The following PREX1 variants were observed in gnomAD, a reference collection of about 807,000 sequenced individuals.
PREX1 encodes the protein phosphatidylinositol-3,4,5-trisphosphate dependent Rac exchange factor 1, also known as phosphatidylinositol 3,4,5-trisphosphate-dependent Rac exchanger 1 protein.
In PREX1, 41 loss-of-function variants were observed where a neutral mutation model predicts 198.3. The observed-to-expected ratio is 0.21, with a 90% CI of 0.16 to 0.27. The LOEUF is 0.27. Ranked by LOEUF, PREX1 falls within the 10% of genes least tolerant of loss-of-function variation. PREX1 has a pLI of 1.00. For missense variants in PREX1, 1,620 were observed against 2,200.7 expected, an observed-to-expected ratio of 0.74 and a Z score of 5.28; for synonymous variants, 843 against 887.2, an observed-to-expected ratio of 0.95 and a Z score of 0.89.
At chr20:48,657,909 T>A (rs1016530173) in intron 17 of PREX1, among the ~76,000 whole-genome samples, 1 of 152,160 alleles carries the variant, frequency 6.6e-6, no homozygotes, top group African/African-American at 2.4e-5. Flanking sequence ...AGGGCAGTGG[T>A]GGAACACACC....
intron 3 of PREX1, among the ~76,000 whole-genome samples, chr20:48,741,619 T>C (rs1460380604): frequency 1.3e-5 from 2 of 151,986 alleles, no homozygotes; most frequent in East Asian, 1.9e-4. Context: ...AGACAGACAA[T>C]AAGCAAAAAG....
At chr20:48,676,687 G>A (rs930492940) in intron 13 of PREX1, among the ~76,000 whole-genome samples, 1 of 152,202 alleles carries the variant, frequency 6.6e-6, no homozygotes, top group Non-Finnish European at 1.5e-5. Context: ...ACAATGCCAG[G>A]CAGCCCCCAA....
intron 1 of PREX1, among the ~76,000 whole-genome samples, chr20:48,777,777 G>A (rs754157498): frequency 1.3e-5 from 2 of 152,232 alleles, no homozygotes; most frequent in African/African-American, 2.4e-5. Flanking sequence ...GACCTGCGGA[G>A]AGGCTGTGGA....
intron 39 of PREX1, among the ~76,000 whole-genome samples, chr20:48,626,330 C>T (rs1014833604): frequency 1.9e-4 from 29 of 152,218 alleles, no homozygotes; most frequent in African/African-American, 5.8e-4. Flanking sequence ...CAGGAGGCTG[C>T]GTGGTGTCCA....
At chr20:48,657,218 C>G in intron 17 of PREX1, 30 bp from the exon 18 acceptor site, 6 of 1,609,624 alleles carry the variant, frequency 3.7e-6, no homozygotes, top group Non-Finnish European at 5.1e-6. Flanking sequence ...GACAGACGTG[C>G]ACACCAGTTA....
At chr20:48,824,717 A>T (rs541424794) in intron 1 of PREX1, among the ~76,000 whole-genome samples, 1 of 152,340 alleles carries the variant, frequency 6.6e-6, no homozygotes, top group South Asian at 2.1e-4. Context: ...TCACAAGTCC[A>T]AGGATTTAAC....
intron 4 of PREX1, among the ~76,000 whole-genome samples, chr20:48,727,526 A>G (rs189289343): frequency 3.7e-4 from 57 of 152,310 alleles, no homozygotes; most frequent in Non-Finnish European, 7.1e-4. Flanking sequence ...TCATGTGTCC[A>G]GCAGGCCTCT....
chr20:48,679,783 G>A (rs775956077), intron 11 of PREX1, 29 bp from the exon 12 acceptor site: 5 of 1,558,520 alleles, frequency 3.2e-6, no homozygotes, highest in South Asian at 1.1e-5. Context: ...CTGTGACGCT[G>A]GGCACGCCCC....
chr20:48,863,177 A>G, the PREX1 span, among the ~76,000 whole-genome samples: 3,980 of 152,248 alleles, frequency 0.026, 196 homozygotes, highest in African/African-American at 0.091. Context: ...AATTGAAAGG[A>G]AAGTACAGAG....
chr20:48,833,853 A>G, the PREX1 span, among the ~76,000 whole-genome samples: 1 of 152,056 alleles, frequency 6.6e-6, no homozygotes, highest in African/African-American at 2.4e-5. Flanking sequence ...GGAGGCCGAG[A>G]CGGGCGGATA....
chr20:48,732,261 G>C (rs1012792153), intron 4 of PREX1, among the ~76,000 whole-genome samples: 4 of 152,196 alleles, frequency 2.6e-5, no homozygotes, highest in African/African-American at 9.7e-5. Flanking sequence ...CCCTTCCTCA[G>C]ATGTTCACTG....
chr20:48,662,516 A>T (rs1483267381), intron 15 of PREX1, among the ~76,000 whole-genome samples: 3 of 152,154 alleles, frequency 2.0e-5, no homozygotes, highest in African/African-American at 7.2e-5. Flanking sequence ...TAACAACAGG[A>T]CCAACATGCT....
chr20:48,772,604 T>A lies in PREX1; in HGVS notation c.220-24724A>T, dbSNP rs558887495. On this transcript the variant is annotated intron_variant, in intron 1 of 39. Coordinates refer to ENST00000371941, the MANE Select transcript of PREX1 (RefSeq NM_020820.4). ...TCAAGCTGGAAAGGAAGTCGGCAGC[T>A]CAGCGGGAGGAAAGGCGACAGTATA... is the stretch of plus-strand genomic sequence containing the variant. Among the ~76,000 whole-genome samples the A allele has an allele frequency of 2.0e-5, 3 of 152,298 alleles. No homozygotes were observed. In the South Asian group the frequency reaches 6.2e-4, roughly 32 times the overall value.
chr20:48,679,998 G>A (rs1323638435), intron 11 of PREX1, among the ~76,000 whole-genome samples: 10 of 152,152 alleles, frequency 6.6e-5, no homozygotes, highest in Non-Finnish European at 4.4e-5. Context: ...GGACCCTGCT[G>A]AGACTCGCAG....
chr20:48,718,822 C>T (rs1289696364), intron 5 of PREX1, among the ~76,000 whole-genome samples: 1 of 152,166 alleles, frequency 6.6e-6, no homozygotes, highest in Non-Finnish European at 1.5e-5. Context: ...TTTTTCATTT[C>T]ATCTTTATAA....
the PREX1 span, among the ~76,000 whole-genome samples, chr20:48,880,081 T>A: frequency 1.3e-5 from 2 of 152,232 alleles, no homozygotes; most frequent in Non-Finnish European, 2.9e-5. Flanking sequence ...GTTTTGTGAA[T>A]CACAAGACAC....
chr20:48,725,014 C>T (rs2090003406), intron 5 of PREX1, among the ~76,000 whole-genome samples: 1 of 152,202 alleles, frequency 6.6e-6, no homozygotes, highest in African/African-American at 2.4e-5. Context: ...GGGAGAGCTG[C>T]GTCCCACCCC....
chr20:48,815,488 T>C (rs184264521), intron 1 of PREX1, among the ~76,000 whole-genome samples: 6 of 152,272 alleles, frequency 3.9e-5, no homozygotes, highest in Admixed American at 1.3e-4. Context: ...AAAGCCCTAA[T>C]ATGTGGAGAT....
intron 13 of PREX1, among the ~76,000 whole-genome samples, chr20:48,676,771 G>C (rs1302265845): frequency 6.6e-6 from 1 of 152,210 alleles, no homozygotes; most frequent in Non-Finnish European, 1.5e-5. Context: ...AGAGTGGCAG[G>C]GGAGACCCTC....
Sources: allele counts gnomAD v4.1 joint callset (sites outside exome capture counted in the v4.1 genomes callset), GRCh38; gene constraint gnomAD v4.1.1; transcripts MANE v1.5; gene names NCBI Gene and HGNC (gene_info 2026-07-23, HGNC 2026-07-21).